Variants in CCDC73 observed in about 807,000 individuals in gnomAD.
CCDC73 encodes the protein coiled-coil domain containing 73.
A neutral mutation model predicts 116.5 loss-of-function variants in CCDC73; 95 were observed. The observed-to-expected ratio is 0.82, with a 90% CI of 0.69 to 0.97. CCDC73 has a LOEUF of 0.97. Among genes scored for constraint, CCDC73 ranks in the 50% least tolerant of loss-of-function variants. The pLI, the probability that CCDC73 is intolerant of heterozygous loss-of-function variation, is 0.00. For missense variants in CCDC73, 1,066 were observed against 1,206.8 expected, an observed-to-expected ratio of 0.88 and a Z score of 1.73; for synonymous variants, 398 against 401.3, an observed-to-expected ratio of 0.99 and a Z score of 0.10.
At chr11:32,816,702 A>T in the CCDC73 span, among the ~76,000 whole-genome samples, 1 of 152,206 alleles carries the variant, frequency 6.6e-6, no homozygotes, top group East Asian at 1.9e-4. Context: ...TTTCAATGTT[A>T]TTAAAGCCTC....
intron 6 of CCDC73, among the ~76,000 whole-genome samples, chr11:32,687,704 G>A (rs180824131): frequency 1.7e-3 from 253 of 152,018 alleles, no homozygotes; most frequent in African/African-American, 5.6e-3. Context: ...TAGCTCTGTC[G>A]ACTGAGGGGG....
chr11:32,702,362 ATTT>A (rs934419703), intron 4 of CCDC73, among the ~76,000 whole-genome samples: 6 of 151,966 alleles, frequency 3.9e-5, no homozygotes, highest in African/African-American at 1.5e-4. Flanking sequence ...GATTCATTTG[ATTT>A]TTTTTCTCAT....
At chr11:32,765,675 T>C (rs931241331) in intron 1 of CCDC73, among the ~76,000 whole-genome samples, 1 of 152,278 alleles carries the variant, frequency 6.6e-6, no homozygotes, top group African/African-American at 2.4e-5. Flanking sequence ...AGATCTAAAA[T>C]TGACACCCTA....
chr11:32,657,426 GAAGGAATGAACCA>G (rs1013658787), intron 9 of CCDC73, among the ~76,000 whole-genome samples: 54 of 152,274 alleles, frequency 3.5e-4, no homozygotes, highest in African/African-American at 1.3e-3. Context: ...AGTATATATC[GAAGGAATGAACCA>G]AAGTTTGAAT....
chr11:32,812,455 C>T, the CCDC73 span, among the ~76,000 whole-genome samples: 8 of 152,072 alleles, frequency 5.3e-5, no homozygotes, highest in Non-Finnish European at 8.8e-5. Context: ...CACCTGAGGT[C>T]GGGAGTTCAA....
chr11:32,650,391 T>G (rs1026305575), intron 12 of CCDC73, among the ~76,000 whole-genome samples: 4 of 152,190 alleles, frequency 2.6e-5, no homozygotes, highest in Admixed American at 6.5e-5. Context: ...TAGATGATCT[T>G]TAATATTGTG....
chr11:32,810,618 C>T, the CCDC73 span, among the ~76,000 whole-genome samples: 145 of 152,078 alleles, frequency 9.5e-4, no homozygotes, highest in East Asian at 0.012. Flanking sequence ...AGTAGAAACC[C>T]CTAATATAGA....
chr11:32,734,914 A>ATCT (rs1850114698), intron 2 of CCDC73, among the ~76,000 whole-genome samples: 1 of 152,238 alleles, frequency 6.6e-6, no homozygotes, highest in East Asian at 1.9e-4. Flanking sequence ...ACCAAAGACA[A>ATCT]AAACCACATG....
intron 2 of CCDC73, among the ~76,000 whole-genome samples, chr11:32,725,043 GAAT>G (rs1044086693): frequency 2.6e-5 from 4 of 151,672 alleles, no homozygotes; most frequent in African/African-American, 9.7e-5. Context: ...AGAAAAAAAT[GAAT>G]AATATCCCCT....
At chr11:32,620,022 A>T (rs1324015164) in intron 14 of CCDC73, among the ~76,000 whole-genome samples, 1 of 152,216 alleles carries the variant, frequency 6.6e-6, no homozygotes, top group Non-Finnish European at 1.5e-5. Flanking sequence ...ATTGTAAAAC[A>T]GATTGAGAGA....
intron 13 of CCDC73, among the ~76,000 whole-genome samples, chr11:32,638,348 G>A (rs1183081726): frequency 6.6e-6 from 1 of 152,122 alleles, no homozygotes; most frequent in African/African-American, 2.4e-5. Flanking sequence ...TCCTAGTAAG[G>A]AAGTCTTCAA....
At chr11:32,677,908 T>C (rs1856103756) in intron 7 of CCDC73, among the ~76,000 whole-genome samples, 2 of 128,118 alleles carry the variant, frequency 1.6e-5, no homozygotes, top group Non-Finnish European at 3.1e-5. Context: ...ACCAAGATCG[T>C]GACACTGCAC....
chr11:32,806,507 C>A, the CCDC73 span, among the ~76,000 whole-genome samples: 1 of 151,812 alleles, frequency 6.6e-6, no homozygotes, highest in Non-Finnish European at 1.5e-5. Flanking sequence ...ACTTGTAGTC[C>A]CAGCTACTCG....
chr11:32,610,584 C>G (rs1855411677), intron 17 of CCDC73, among the ~76,000 whole-genome samples: 1 of 152,146 alleles, frequency 6.6e-6, no homozygotes, highest in Admixed American at 6.5e-5. Flanking sequence ...AACCTTCCTG[C>G]TATAGTTAGT....
chr11:32,611,062 G>A (rs550255025), intron 17 of CCDC73, 70 bp downstream of exon 17: 139 of 1,470,182 alleles, frequency 9.5e-5, no homozygotes, highest in East Asian at 6.2e-4. Flanking sequence ...ATCCAGATGC[G>A]TACAGTTCTA....
At chr11:32,623,989 C>T (rs1423399037) in intron 14 of CCDC73, among the ~76,000 whole-genome samples, 1 of 151,984 alleles carries the variant, frequency 6.6e-6, no homozygotes, top group Non-Finnish European at 1.5e-5. Flanking sequence ...GCTGGTAGGA[C>T]TATAAACTGG....
Position 32,654,038 on chromosome 11 carries a change from C to A in CCDC73, c.775-1G>T. 6.3e-7 allele frequency: 1 copy of A among 1,584,240 alleles called. No homozygotes were observed. Among genetic ancestry groups the A allele is most frequent in the South Asian group, 1.2e-5 (1 of 86,952 alleles). On this transcript the variant is annotated splice_acceptor_variant, in intron 10 of 17. Coordinates refer to ENST00000335185, the MANE Select transcript of CCDC73 (RefSeq NM_001008391.4). LOFTEE classifies it high-confidence loss of function. ...TAATCTTCTCATTTAATTCCAATTC[C>A]TTTAAAATTTGAATAGTTTTAAAGT...
intron 1 of CCDC73, among the ~76,000 whole-genome samples, chr11:32,766,758 T>G (rs1330386836): frequency 2.6e-5 from 4 of 151,924 alleles, no homozygotes; most frequent in Admixed American, 6.6e-5. Flanking sequence ...GAATCCAACT[T>G]ACAAGGGACA....
At chr11:32,790,579 A>G (rs1180367230) in intron 1 of CCDC73, among the ~76,000 whole-genome samples, 1 of 152,198 alleles carries the variant, frequency 6.6e-6, no homozygotes, top group Non-Finnish European at 1.5e-5. Context: ...AAATTACAAA[A>G]ACCACTTTTA....
Sources: allele counts gnomAD v4.1 joint callset (sites outside exome capture counted in the v4.1 genomes callset), GRCh38; gene constraint gnomAD v4.1.1; transcripts MANE v1.5; gene names NCBI Gene and HGNC (gene_info 2026-07-23, HGNC 2026-07-21).